Variants in FLG observed in about 807,000 individuals in gnomAD.
The protein encoded by FLG is filaggrin.
FLG carries 6 observed loss-of-function variants against 3.8 expected under a neutral mutation model. The observed-to-expected ratio is 1.60, with a 90% CI of 0.87 to 3.15. FLG has a LOEUF of 3.15. Ranked by LOEUF, FLG falls within the 30% of genes most tolerant of loss-of-function variation. The pLI, the probability that FLG is intolerant of heterozygous loss-of-function variation, is 0.00. For synonymous variants in FLG, 2,551 were observed against 1,931.6 expected, an observed-to-expected ratio of 1.32 and a Z score of -8.41; for missense variants, 7,595 against 5,050.9, an observed-to-expected ratio of 1.50 and a Z score of -15.27.
rs1208523689 is a variant in FLG at position 152,304,474 on chromosome 1, C to T, written c.10412G>A (p.Gly3471Glu). 5.6e-6 allele frequency: 9 copies of T among 1,612,706 alleles called. 1 individual carries two copies. Among genetic ancestry groups the T allele is most frequent in the Non-Finnish European group, 7.6e-6 (9 of 1,179,650 alleles). ...GSHHSHTTSQ[G>E]RSDASRGQSG... ...CTGCCCACGGGAGGCATCAGACCTT[C>T]CCTGGGATGTGGTGTGGCTGTGATG... The change falls in exon 3 of 3, where the codon GGA becomes GAA. Residue 3471 changes from glycine to glutamate, a missense_variant. Gly to Glu is a moderately conservative substitution (Grantham distance 98). Transcript: ENST00000368799.
rs779185339 is a variant in FLG, at chr1:152,308,937, C to T, written c.5949G>A (p.Glu1983=). 10 of 1,614,018 alleles carry T rather than the reference C, an allele frequency of 6.2e-6. No individual in the cohort carries two copies. In the South Asian group the frequency reaches 6.6e-5, roughly 11 times the overall value. ...ACGCAGCCTGTCCACGAGAGGAAGACTCTGTGTGACGAGTGCCTGATTGTC... is the reference window on the plus strand; with the variant it reads ...ACGCAGCCTGTCCACGAGAGGAAGATTCTGTGTGACGAGTGCCTGATTGTC... The part of the protein sequence containing the change: ...SSRQSGTRHT[E]SSSRGQAASS... The change falls in exon 3 of 3, where the codon GAG becomes GAA. Residue 1983 remains glutamate (E), a synonymous_variant. Transcript: ENST00000368799.
In FLG at chr1:152,311,264, G is replaced by A; in HGVS notation, c.3622C>T (p.His1208Tyr). 1.9e-6 allele frequency: 3 copies of A among 1,613,774 alleles called. No individual in the cohort carries two copies. The highest frequency in any genetic ancestry group is 2.5e-6 in the Non-Finnish European group (3 of 1,179,932). The change falls in exon 3 of 3, where the codon CAT becomes TAT. Residue 1208 changes from histidine to tyrosine, a missense_variant. Coordinates refer to ENST00000368799, the MANE Select transcript of FLG (RefSeq NM_002016.2). ...TTSQGRSDAS[H>Y]GQSGSRSASR... The stretch of plus-strand genomic sequence containing the variant: ...GCACTTCTGGATCCTGACTGCCCAT[G>A]GGAGGCATCAGACCTTCCCTGGGAT...
rs765104950 is a variant in FLG, at chr1:152,311,114, A to C, written c.3772T>G (p.Ser1258Ala). 3.7e-6 allele frequency: 6 copies of C among 1,613,226 alleles called. No individual in the cohort carries two copies. The highest frequency in any genetic ancestry group is 2.7e-5 in the African/African-American group (2 of 74,620). Residue 1258 changes from serine to alanine, a missense_variant, in exon 3 of 3, where the codon TCG (serine) becomes GCG (alanine). Physicochemically the swap from Ser to Ala is moderately conservative, Grantham distance 99. Coordinates refer to ENST00000368799, the MANE Select transcript of FLG (RefSeq NM_002016.2). ...TGGTGCCTGCTTGTCCTGGACCCCG[A>C]TGATTGTTCCTGTCCCACCTGTGAG... ...RHSQVGQEQSSGSRTSRHQGS... is the reference protein window; with the variant it reads ...RHSQVGQEQSAGSRTSRHQGS...
At position 152,314,623 on chromosome 1, in the gene FLG, G is replaced by C; in HGVS notation, c.263C>G (p.Ser88Cys). 1 of 1,613,884 alleles carries C rather than the reference G, an allele frequency of 6.2e-7. No individual in the cohort carries two copies. The highest frequency in any genetic ancestry group is 1.1e-5 in the South Asian group (1 of 91,076). The change falls in exon 3 of 3, where the codon TCT (serine) becomes TGT (cysteine). Residue 88 changes from serine (S) to cysteine (C), a missense_variant. Physicochemically the swap from Ser to Cys is moderately radical, Grantham distance 112 (BLOSUM62 -1). Transcript: ENST00000368799. ...TATCGGTAAATTCTCTTTTCTGGTA[G>C]ACTCATAATATGCTTGAGCCAACTT... The part of the protein sequence containing the change: ...VFKLAQAYYE[S>C]TRKENLPISG...
chr1:152,302,487 T>C lies in FLG; in HGVS notation c.*213A>G. ...TTCTAAAGTTAGCTCTCCATGATAT[T>C]GATTTCTTCCATTTAATATTTCTGA... is the stretch of plus-strand genomic sequence containing the variant. On this transcript the variant is annotated 3_prime_UTR_variant, in exon 3 of 3. Transcript: ENST00000368799. The C allele has an allele frequency of 1.6e-6, 1 of 627,626 alleles. No individual in the cohort carries two copies. The allele number at this position is 627,626 out of a possible 1,614,324, so 38.9% of individuals were successfully genotyped here.
chr1:152,303,292 T>C lies in FLG; in HGVS notation c.11594A>G (p.Gln3865Arg), dbSNP rs1385434818. ...TGGGTATGCCTCACTGTCACTGTCCTGGCTAACACTGGATCCCTGGCGCCT... is the reference window on the plus strand; with the variant it reads ...TGGGTATGCCTCACTGTCACTGTCCCGGCTAACACTGGATCCCTGGCGCCT... The part of the protein sequence containing the change: ...RSRRQGSSVS[Q>R]DSDSEAYPED... The change falls in exon 3 of 3, where the codon CAG becomes CGG. Residue 3865 changes from glutamine to arginine, a missense_variant. Gln to Arg is a conservative substitution (Grantham distance 43). Transcript: ENST00000368799. 1.2e-6 allele frequency: 2 copies of C among 1,614,014 alleles called. No homozygotes were observed. The highest frequency in any genetic ancestry group is 2.7e-5 in the African/African-American group (2 of 74,900).
Position 152,311,567 on chromosome 1 carries a change from A to G in FLG, c.3319T>C (p.Ser1107Pro), listed in dbSNP as rs1652430734. ...CCTGAACGTCCAGACCTTCCCCCTG[A>G]CCAGTCACGTGCGGACTCTTGGTGG... ...QSHQESARDW[S>P]GGRSGRSGSF... is the part of the protein sequence containing the mutation. Residue 1107 changes from serine (S) to proline (P), a missense_variant, in exon 3 of 3, where the codon TCA (serine) becomes CCA (proline). Physicochemically the swap from Ser to Pro is moderately conservative, Grantham distance 74. Transcript: ENST00000368799. 1 of 1,613,388 alleles carries G rather than the reference A, an allele frequency of 6.2e-7. No individual in the cohort carries two copies. Among genetic ancestry groups the G allele is most frequent in the East Asian group, 2.2e-5 (1 of 44,770 alleles).
chr1:152,310,867 C>A lies in FLG; in HGVS notation c.4019G>T (p.Gly1340Val). The change falls in exon 3 of 3, where the codon GGA becomes GTA. Residue 1340 changes from glycine (G) to valine (V), a missense_variant. Transcript: ENST00000368799. ...GTHHTESSSH[G>V]QAVSSHEQAR... Reference sequence around the variant, plus strand: ...CTGTTCATGGGATGACACAGCCTGTCCATGAGAGGAAGACTCTGTGTGATG... The same window carrying A: ...CTGTTCATGGGATGACACAGCCTGTACATGAGAGGAAGACTCTGTGTGATG... 1 of 1,613,912 alleles carries A rather than the reference C, an allele frequency of 6.2e-7. No homozygotes were observed. The highest frequency in any genetic ancestry group is 1.1e-5 in the South Asian group (1 of 91,060).
chr1:152,311,853 C>G lies in FLG; in HGVS notation c.3033G>C (p.Glu1011Asp). 1 of 1,614,120 alleles carries G rather than the reference C, an allele frequency of 6.2e-7. No individual in the cohort carries two copies. Among genetic ancestry groups the G allele is most frequent in the Non-Finnish European group, 8.5e-7 (1 of 1,179,998 alleles). ...SSRQSGTPHA[E>D]TSSGGQAASS... ...ACGCAGCCTGTCCACCAGAGGAAGT[C>G]TCTGCGTGAGGAGTTCCTGATTGTC... The change falls in exon 3 of 3, where the codon GAG becomes GAC. Residue 1011 changes from glutamate (E) to aspartate (D), a missense_variant. By Grantham distance (45) the Glu-to-Asp change is conservative. Coordinates refer to ENST00000368799, the MANE Select transcript of FLG (RefSeq NM_002016.2).
Position 152,314,290 on chromosome 1 carries a change from C to G in FLG, c.596G>C (p.Arg199Thr). 1 of 1,613,444 alleles carries G rather than the reference C, an allele frequency of 6.2e-7. No homozygotes were observed. Among genetic ancestry groups the G allele is most frequent in the South Asian group, 1.1e-5 (1 of 91,056 alleles). ...ENTRLGDNRKRLSERLEEKED... is the reference protein window; with the variant it reads ...ENTRLGDNRKTLSERLEEKED... ...TTTCTCTTCAAGTCTTTCACTTAGC[C>G]TCTTCCTATTGTCTCCTAATCTAGT... is the stretch of plus-strand genomic sequence containing the variant. Residue 199 changes from arginine (R) to threonine (T), a missense_variant, in exon 3 of 3, where the codon AGG becomes ACG. Coordinates refer to ENST00000368799, the MANE Select transcript of FLG (RefSeq NM_002016.2).
Position 152,307,599 on chromosome 1 carries a change from T to G in FLG, c.7287A>C (p.Gly2429=). Residue 2429 remains glycine (G), a synonymous_variant, in exon 3 of 3, where the codon GGA becomes GGC. Transcript: ENST00000368799. ...TTCCTCCAGTGCTGGTCCCGGTCCG[T>G]CCATGGGCGGACTCAGACTGTTCAT... is the stretch of plus-strand genomic sequence containing the variant. ...STHEQSESAH[G]RTGTSTGGRQ... 6.2e-7 allele frequency: 1 copy of G among 1,613,726 alleles called. No homozygotes were observed. Among genetic ancestry groups the G allele is most frequent in the Non-Finnish European group, 8.5e-7 (1 of 1,179,936 alleles).
rs763028697 is a variant in FLG, at chr1:152,313,547, G to C, written c.1339C>G (p.Gln447Glu). 6.2e-7 allele frequency: 1 copy of C among 1,613,722 alleles called. No individual in the cohort carries two copies. The highest frequency in any genetic ancestry group is 1.7e-5 in the Admixed American group (1 of 59,990). Residue 447 changes from glutamine to glutamate, a missense_variant, in exon 3 of 3, where the codon CAG (glutamine) becomes GAG (glutamate). Coordinates refer to ENST00000368799, the MANE Select transcript of FLG (RefSeq NM_002016.2). Reference protein sequence around the residue: ...VSGHGKAGLRQQSHQESTRGR... With the variant: ...VSGHGKAGLREQSHQESTRGR... ...CGTGTGGACTCTTGGTGGCTCTGCT[G>C]TCTCAGCCCAGCCTTTCCGTGGCCT...
intron 1 of FLG, among the ~76,000 whole-genome samples, chr1:152,316,355 G>T (rs1652788429): frequency 6.6e-6 from 1 of 151,802 alleles, no homozygotes; most frequent in Admixed American, 6.6e-5. Flanking sequence ...TAAAATAATA[G>T]AATTTATAAT....
Position 152,313,726 on chromosome 1 carries a change from C to A in FLG, c.1160G>T (p.Gly387Val), listed in dbSNP as rs141825612. 1 of 1,614,012 alleles carries A rather than the reference C, an allele frequency of 6.2e-7. No homozygotes were observed. The highest frequency in any genetic ancestry group is 1.3e-5 in the African/African-American group (1 of 74,910). The change falls in exon 3 of 3, where the codon GGC (glycine) becomes GTC (valine). Residue 387 changes from glycine (G) to valine (V), a missense_variant. Gly to Val is a moderately radical substitution (Grantham distance 109). Coordinates refer to ENST00000368799, the MANE Select transcript of FLG (RefSeq NM_002016.2). ...RSSPGERHGS[G>V]HQQSADSSRH... ...GGAGCTGTCTGCTGACTGCTGGTGGCCGGATCCATGTCTTTCTCCTGGACT... is the reference window on the plus strand; with the variant it reads ...GGAGCTGTCTGCTGACTGCTGGTGGACGGATCCATGTCTTTCTCCTGGACT...
Position 152,311,930 on chromosome 1 carries a change from T to G in FLG, c.2956A>C (p.Arg986=). Residue 986 remains arginine, a synonymous_variant, in exon 3 of 3, where the codon AGG becomes CGG. Coordinates refer to ENST00000368799, the MANE Select transcript of FLG (RefSeq NM_002016.2). ...EQSRHGSRHP[R]SHHEDRAGHG... Reference sequence around the variant, plus strand: ...CCGGCTCTGTCTTCGTGATGGGACCTGGGGTGTCTGGAGCCATGTCTTGAC... The same window carrying G: ...CCGGCTCTGTCTTCGTGATGGGACCGGGGGTGTCTGGAGCCATGTCTTGAC... 3.7e-6 allele frequency: 6 copies of G among 1,614,110 alleles called. No individual in the cohort carries two copies. Among genetic ancestry groups the G allele is most frequent in the Non-Finnish European group, 5.1e-6 (6 of 1,180,006 alleles).
At position 152,307,122 on chromosome 1, in the gene FLG, G is replaced by T. The variant is rs561395256; in HGVS notation, c.7764C>A (p.Ser2588=). 385 of 1,612,080 alleles carry T rather than the reference G, an allele frequency of 2.4e-4. 4 individuals are homozygous for T. In the East Asian group the frequency reaches 8.4e-3, roughly 35 times the overall value. ...EDSERWSGSA[S]RNHHGSAQEQ... ...CCTGAGCAGATCCATGATGGTTTCT[G>T]GAAGCAGACCCAGACCACCTCTCAG... The change falls in exon 3 of 3, where the codon TCC becomes TCA. Residue 2588 remains serine, a synonymous_variant. Transcript: ENST00000368799.
chr1:152,308,466 T>G lies in FLG; in HGVS notation c.6420A>C (p.Gly2140=), dbSNP rs764335258. ...ASQEGQDTIR[G]HPGPSRGGRQ... is the part of the protein sequence containing the mutation. ...TTCCTCCTCTGCTTGGCCCCGGGTG[T>G]CCACGAATGGTGTCCTGACCCTCTT... Residue 2140 remains glycine, a synonymous_variant, in exon 3 of 3, where the codon GGA becomes GGC. Transcript: ENST00000368799. 18 of 1,613,806 alleles carry G rather than the reference T, an allele frequency of 1.1e-5. No individual in the cohort carries two copies. In the South Asian group the frequency reaches 2.0e-4, roughly 18 times the overall value.
At chr1:152,315,279 A>G (rs1570917221) in intron 2 of FLG, 40 bp downstream of exon 2, 1 of 1,572,784 alleles carries the variant, frequency 6.4e-7, no homozygotes, top group South Asian at 1.1e-5. Context: ...TTGATGAGAA[A>G]AACAAATGCT....
In FLG at chr1:152,306,109, C is replaced by T; in HGVS notation, c.8777G>A (p.Gly2926Asp). 1 of 1,599,428 alleles carries T rather than the reference C, an allele frequency of 6.3e-7. No individual in the cohort carries two copies. The highest frequency in any genetic ancestry group is 8.5e-7 in the Non-Finnish European group (1 of 1,179,960). Reference protein sequence around the residue: ...HGSAQEQLRDGSRHPRSHQED... With the variant: ...HGSAQEQLRDDSRHPRSHQED... ...TTGATGGGACCTGGGGTGTCTGGAG[C>T]CATCTCTTAGCTGCTCCTGAGCAGA... Residue 2926 changes from glycine (G) to aspartate (D), a missense_variant, in exon 3 of 3, where the codon GGC becomes GAC. By Grantham distance (94) the Gly-to-Asp change is moderately conservative. Transcript: ENST00000368799.
Sources: gnomAD v4.1 joint callset for allele counts (sites outside exome capture counted in the v4.1 genomes callset) on GRCh38, gnomAD v4.1.1 for gene constraint, MANE v1.5 for transcripts, NCBI Gene and HGNC (gene_info 2026-07-23, HGNC 2026-07-21) for gene names.